STK17B: variants seen among roughly 807,000 people sequenced by gnomAD.
The protein encoded by STK17B is serine/threonine kinase 17b.
STK17B carries 21 observed loss-of-function variants against 42.0 expected under a neutral mutation model. The ratio of observed to expected loss-of-function variants is 0.50; its 90% CI spans 0.35 to 0.72. The LOEUF (loss-of-function observed/expected upper bound fraction) is 0.72, where lower values mean the gene tolerates loss of function less well. Among genes scored for constraint, STK17B ranks in the 30% least tolerant of loss-of-function variants. The probability of loss-of-function intolerance (pLI) is 0.00; values close to 1 mark genes in which losing one functional copy is unlikely to be tolerated. For missense variants in STK17B, 349 were observed against 446.0 expected, an observed-to-expected ratio of 0.78 and a Z score of 1.96; for synonymous variants, 143 against 148.4, an observed-to-expected ratio of 0.96 and a Z score of 0.26.
chr2:196,143,013 T>C (rs898081187), intron 5 of STK17B, among the ~76,000 whole-genome samples: 6 of 152,238 alleles, frequency 3.9e-5, no homozygotes, highest in African/African-American at 7.2e-5. Flanking sequence ...AAGGTTCTTT[T>C]TGGCACTCTT....
intron 2 of STK17B, among the ~76,000 whole-genome samples, chr2:196,163,059 A>C (rs1699833205): frequency 6.6e-6 from 1 of 152,140 alleles, no homozygotes; most frequent in Admixed American, 6.5e-5. Context: ...GCTAGGTAGG[A>C]TGTATGATTT....
In STK17B at chr2:196,161,144, G is replaced by C. The variant is rs554913101; in HGVS notation, c.122+2118C>G. Among the ~76,000 whole-genome samples, 12 of 152,170 alleles carry C rather than the reference G, an allele frequency of 7.9e-5. No individual in the cohort carries two copies. The South Asian group carries it at 1.5e-3, about 18-fold the overall frequency. On this transcript the variant is annotated intron_variant, in intron 2 of 7. Transcript: ENST00000263955. ...CGCTGAAGCATTCAAACTGAGGCTG[G>C]ATAACAGTTTGTTCGGGAAATTATA...
intron 7 of STK17B, among the ~76,000 whole-genome samples, chr2:196,138,628 T>G (rs1398776384): frequency 1.3e-5 from 2 of 151,806 alleles, no homozygotes; most frequent in East Asian, 1.9e-4. Context: ...CAGGCTGGAG[T>G]GCAGTGGTGC....
upstream of STK17B, among the ~76,000 whole-genome samples, chr2:196,172,800 G>A (rs901514361): frequency 2.0e-5 from 3 of 152,162 alleles, no homozygotes; most frequent in African/African-American, 7.2e-5. Flanking sequence ...GGGCTGACTA[G>A]AGAAGCCTAA....
upstream of STK17B, among the ~76,000 whole-genome samples, chr2:196,175,337 T>C (rs929234114): frequency 6.6e-6 from 1 of 152,154 alleles, no homozygotes; most frequent in Admixed American, 6.5e-5. Flanking sequence ...CAAACTAAAG[T>C]TTTTCACGCC....
upstream of STK17B, among the ~76,000 whole-genome samples, chr2:196,171,924 G>A (rs1161459352): frequency 6.6e-6 from 1 of 152,202 alleles, no homozygotes; most frequent in Non-Finnish European, 1.5e-5. Flanking sequence ...TTCGAGAGGT[G>A]TGAATATCCG....
chr2:196,150,179 T>TAAAAAAA (rs143244008), intron 3 of STK17B, among the ~76,000 whole-genome samples: 7 of 113,506 alleles, frequency 6.2e-5, no homozygotes, highest in African/African-American at 1.0e-4. Flanking sequence ...GAGCAGTGAC[T>TAAAAAAA]AAAAAAAAAA....
chr2:196,153,503 T>TAACACTATCCTTAGAAAAGTCCTAA (rs1699695605), intron 3 of STK17B: 1 of 151,790 alleles, frequency 6.6e-6, no homozygotes, highest in Non-Finnish European at 1.5e-5. Context: ...TATGATTTCC[T>TAACACTATCCTTAGAAAAGTCCTAA]AACACTATCC....
In STK17B at chr2:196,135,997, A is replaced by G. The variant is rs1032472521; in HGVS notation, c.*1450T>C. The G allele has an allele frequency of 1.3e-5, 2 of 152,150 alleles. No individual in the cohort carries two copies. Among genetic ancestry groups the G allele is most frequent in the Admixed American group, 1.3e-4 (2 of 15,264 alleles). 9.4% of individuals were successfully genotyped at this position (152,150 alleles called of 1,614,324 possible). A position where few individuals can be genotyped will look rare whatever the true frequency, so the allele number is the denominator to read the frequency against. ...ATTAAAGGAATTCACCATGTGGTCA[A>G]ATAAAGTGACCTGATAGTTATTCAA... On this transcript the variant is annotated 3_prime_UTR_variant, in exon 8 of 8. Transcript: ENST00000263955.
In STK17B at chr2:196,137,647, T is replaced by C. The variant is rs772447182; in HGVS notation, c.919A>G (p.Thr307Ala). 6.2e-7 allele frequency: 1 copy of C among 1,614,104 alleles called. No homozygotes were observed. Among genetic ancestry groups the C allele is most frequent in the South Asian group, 1.1e-5 (1 of 91,078 alleles). The change falls in exon 8 of 8, where the codon ACT becomes GCT. Residue 307 changes from threonine (T) to alanine (A), a missense_variant. This residue lies in a region of STK17B where 87 missense variants were observed against 78.8 expected (regional missense o/e 1.10). Transcript: ENST00000263955. ...DFENLFHPEE[T>A]SSSSQTQDHS... ...TCCTGAGTTTGAGAGGAACTGGAAG[T>C]TTCTTCAGGGTGAAACAAGTTTTCA...
rs1426630670 is a variant in STK17B at position 196,135,759 on chromosome 2, C to G, written c.*1688G>C. ...TGCCACTGCACTCCAGCCTGAGAGA[C>G]AGAGCAAAACTCCATCTCAAAAAAA... On this transcript the variant is annotated 3_prime_UTR_variant, in exon 8 of 8. Coordinates refer to ENST00000263955, the MANE Select transcript of STK17B (RefSeq NM_004226.4). The G allele has an allele frequency of 5.6e-5, 6 of 107,914 alleles. No homozygotes were observed. Among genetic ancestry groups the G allele is most frequent in the Non-Finnish European group, 1.0e-4 (6 of 59,936 alleles). The allele number at this position is 107,914 out of a possible 1,614,324, so 6.7% of individuals were successfully genotyped here. A position where few individuals can be genotyped will look rare whatever the true frequency, so the allele number is the denominator to read the frequency against.
chr2:196,145,240 G>A (rs927636331), intron 4 of STK17B, among the ~76,000 whole-genome samples: 1 of 151,766 alleles, frequency 6.6e-6, no homozygotes, highest in African/African-American at 2.4e-5. Flanking sequence ...GGAGATTTTT[G>A]AATTATTATT....
chr2:196,159,308 G>A (rs911641984), intron 2 of STK17B, among the ~76,000 whole-genome samples: 14 of 126,316 alleles, frequency 1.1e-4, no homozygotes, highest in African/African-American at 3.5e-4. Context: ...TTACCAAGAG[G>A]TTGTTTTTTT....
intron 3 of STK17B, among the ~76,000 whole-genome samples, chr2:196,155,640 C>A (rs986702716): frequency 6.6e-6 from 1 of 152,122 alleles, no homozygotes; most frequent in Admixed American, 6.6e-5. Context: ...ACTATTGGCA[C>A]CCAAGGTATA....
rs373954443 is a variant in STK17B at position 196,141,831 on chromosome 2, A to AG, written c.608-535dup. On this transcript the variant is annotated intron_variant, in intron 5 of 7. Coordinates refer to ENST00000263955, the MANE Select transcript of STK17B (RefSeq NM_004226.4). ...TCAAAAACATGGATAATATTCTTGG[A>AG]GTAATTAGTGGCTAGGTAGTTAAAC... Among the ~76,000 whole-genome samples, 103 of 152,274 alleles carry AG rather than the reference A, an allele frequency of 6.8e-4. 1 individual carries two copies. The highest frequency in any genetic ancestry group is 2.4e-3 in the African/African-American group (100 of 41,538).
intron 3 of STK17B, chr2:196,153,561 C>T (rs1232278051): frequency 1.3e-5 from 2 of 152,128 alleles, no homozygotes; most frequent in Non-Finnish European, 2.9e-5. Context: ...GTGAGCATGT[C>T]CAACACCCAT....
intron 7 of STK17B, among the ~76,000 whole-genome samples, chr2:196,138,569 T>C (rs911389930): frequency 6.7e-6 from 1 of 148,690 alleles, no homozygotes; most frequent in Non-Finnish European, 1.5e-5. Flanking sequence ...AAATCACTTT[T>C]GGTTTTTTTT....
intron 3 of STK17B, chr2:196,151,463 C>A (rs1261312551): frequency 6.6e-6 from 1 of 152,246 alleles, no homozygotes. Context: ...GATCTCCTGA[C>A]CTCGAGATCC....
At chr2:196,169,055 G>T in intron 1 of STK17B, among the ~76,000 whole-genome samples, 1 of 147,316 alleles carries the variant, frequency 6.8e-6, no homozygotes, top group Non-Finnish European at 1.5e-5. Flanking sequence ...AAAGTAGTAA[G>T]CCTAGGAATA....
Sources: allele counts gnomAD v4.1 joint callset (sites outside exome capture counted in the v4.1 genomes callset), GRCh38; gene constraint gnomAD v4.1.1; regional missense constraint gnomAD v4.1.1; transcripts MANE v1.5; gene names NCBI Gene and HGNC (gene_info 2026-07-23, HGNC 2026-07-21).